COL20A1: variants seen among roughly 807,000 people sequenced by gnomAD.
COL20A1 encodes the protein collagen type XX alpha 1 chain.
A neutral mutation model predicts 152.9 loss-of-function variants in COL20A1; 164 were observed. The observed-to-expected ratio is 1.07, with a 90% CI of 0.94 to 1.22. The LOEUF (loss-of-function observed/expected upper bound fraction) is 1.22, where lower values mean the gene tolerates loss of function less well. Ranked by LOEUF, COL20A1 falls within the 50% of genes most tolerant of loss-of-function variation. The probability of loss-of-function intolerance (pLI) is 0.00; values close to 1 mark genes in which losing one functional copy is unlikely to be tolerated. For missense variants in COL20A1, 1,873 were observed against 1,744.8 expected, an observed-to-expected ratio of 1.07 and a Z score of -1.31; for synonymous variants, 864 against 756.0, an observed-to-expected ratio of 1.14 and a Z score of -2.34.
chr20:63,314,612 A>G (rs539824604), intron 19 of COL20A1, among the ~76,000 whole-genome samples: 96 of 152,158 alleles, frequency 6.3e-4, no homozygotes, highest in African/African-American at 2.1e-3. Context: ...CGGGGTCCTC[A>G]CTGCCTGGAC....
At position 63,320,927 on chromosome 20, in the gene COL20A1, A is replaced by G. The variant is rs1442827401; in HGVS notation, c.3154-86A>G. On this transcript the variant is annotated intron_variant, in intron 25 of 35. Coordinates refer to ENST00000358894, the MANE Select transcript of COL20A1 (RefSeq NM_020882.4). Reference sequence around the variant, plus strand: ...GGGTCTGGAAGTCTCCCTGGAGCCCAGGTGTCATTGGCTAATCTCAGCTCT... The same window carrying G: ...GGGTCTGGAAGTCTCCCTGGAGCCCGGGTGTCATTGGCTAATCTCAGCTCT... 4.9e-6 allele frequency: 5 copies of G among 1,027,808 alleles called. No individual in the cohort carries two copies. The African/African-American group carries it at 8.1e-5, about 17-fold the overall frequency. The allele number at this position is 1,027,808 out of a possible 1,614,324, so 63.7% of individuals were successfully genotyped here. A position where few individuals can be genotyped will look rare whatever the true frequency, so the allele number is the denominator to read the frequency against.
chr20:63,325,969 G>A lies in COL20A1; in HGVS notation c.3403-127G>A, dbSNP rs564997116. On this transcript the variant is annotated intron_variant, in intron 29 of 35. Coordinates refer to ENST00000358894, the MANE Select transcript of COL20A1 (RefSeq NM_020882.4). ...GGAGTGGCTGGGTAGGAGCCTGGCA[G>A]CCTCAGCTGCCTCACCTTTGCTGCT... 4 of 862,556 alleles carry A rather than the reference G, an allele frequency of 4.6e-6. No homozygotes were observed. In the East Asian group the frequency reaches 7.8e-5, roughly 17 times the overall value. 53.4% of individuals were successfully genotyped at this position (862,556 alleles called of 1,614,324 possible).
In COL20A1 at chr20:63,309,381, C is replaced by T. The variant is rs1413168526; in HGVS notation, c.989C>T (p.Pro330Leu). 19 of 1,548,784 alleles carry T rather than the reference C, an allele frequency of 1.2e-5. No homozygotes were observed. Among genetic ancestry groups the T allele is most frequent in the East Asian group, 4.9e-5 (2 of 41,100 alleles). Residue 330 changes from proline to leucine, a missense_variant, in exon 9 of 36, where the codon CCG becomes CTG. Pro to Leu is a moderately conservative substitution (Grantham distance 98, BLOSUM62 -3). Transcript: ENST00000358894. ...GAGCTGAGGCTCCTGGCGTCCCCGC[C>T]GAGGGACATCACCGTCCACAGCGTG... The part of the protein sequence containing the change: ...EAELRLLASP[P>L]RDITVHSVLD...
rs369704216 is a variant in COL20A1, at chr20:63,312,400, C to T, written c.1804-20C>T. 15 of 1,545,802 alleles carry T rather than the reference C, an allele frequency of 9.7e-6. No individual in the cohort carries two copies. The highest frequency in any genetic ancestry group is 9.2e-5 in the East Asian group (4 of 43,470). The stretch of plus-strand genomic sequence containing the variant: ...CAGGCACCAGCTGGGCCTGCCATGT[C>T]GCCCTCCCACCTGCTGCAGACAGAG... On this transcript the variant is annotated intron_variant, in intron 14 of 35. Coordinates refer to ENST00000358894, the MANE Select transcript of COL20A1 (RefSeq NM_020882.4).
chr20:63,302,103 T>C (rs1021575988), intron 3 of COL20A1, among the ~76,000 whole-genome samples: 2 of 152,194 alleles, frequency 1.3e-5, no homozygotes, highest in African/African-American at 4.8e-5. Context: ...CGGCCAATAT[T>C]GTTTTATGTC....
chr20:63,308,715 C>A lies in COL20A1; in HGVS notation c.940+9C>A. The A allele has an allele frequency of 6.3e-7, 1 of 1,580,322 alleles. No homozygotes were observed. The highest frequency in any genetic ancestry group is 8.6e-7 in the Non-Finnish European group (1 of 1,160,992). ...GAACGTCTTCGCTGTGGGTGAGCAC[C>A]ATGCGGCTCCCCCGGCCCTGGAGTC... is the stretch of plus-strand genomic sequence containing the variant. On this transcript the variant is annotated intron_variant, in intron 8 of 35. Transcript: ENST00000358894.
intron 5 of COL20A1, 74 bp from the exon 6 acceptor site, chr20:63,307,416 C>T (rs1056364456): frequency 1.5e-4 from 218 of 1,424,924 alleles, no homozygotes; most frequent in South Asian, 2.9e-4. Context: ...GCTGGAGCCC[C>T]GGGGTAGGTG....
intron 31 of COL20A1, chr20:63,327,145 G>T (rs2068262758): frequency 6.8e-6 from 2 of 295,182 alleles, no homozygotes. Context: ...GGGACTTTCT[G>T]TTGACTGCCC....
At position 63,314,067 on chromosome 20, in the gene COL20A1, C is replaced by A. The variant is rs2068053163; in HGVS notation, c.2359-5C>A. ...GTGGGGACCAGGCACCCTCCCTTCT[C>A]CTAGGTCTCTGTGCCAGGAGCCAGG... On this transcript the variant is annotated splice_polypyrimidine_tract_variant and splice_region_variant and intron_variant, in intron 18 of 35. Transcript: ENST00000358894. 2.5e-6 allele frequency: 4 copies of A among 1,612,676 alleles called. No individual in the cohort carries two copies. Among genetic ancestry groups the A allele is most frequent in the Admixed American group, 3.3e-5 (2 of 59,990 alleles).
At chr20:63,310,533 C>G in intron 11 of COL20A1, 23 bp downstream of exon 11, 1 of 1,564,594 alleles carries the variant, frequency 6.4e-7, no homozygotes, top group Non-Finnish European at 8.7e-7. Context: ...GAGGCAGCGG[C>G]CAGGTTCTGG....
At position 63,309,766 on chromosome 20, in the gene COL20A1, C is replaced by T. The variant is rs2067979634; in HGVS notation, c.1114C>T (p.Pro372Ser). ...GSPRQGPAAA[P>S]ALDTLPAPTS... Reference sequence around the variant, plus strand: ...TCCCGCTACTCCAGCAGCAGCGGCTCCAGCCCTGGACACCCTCCCTGCCCC... The same window carrying T: ...TCCCGCTACTCCAGCAGCAGCGGCTTCAGCCCTGGACACCCTCCCTGCCCC... The change falls in exon 10 of 36, where the codon CCA becomes TCA. Residue 372 changes from proline to serine, a missense_variant. Coordinates refer to ENST00000358894, the MANE Select transcript of COL20A1 (RefSeq NM_020882.4). 1.9e-6 allele frequency: 3 copies of T among 1,582,058 alleles called. No individual in the cohort carries two copies. Among genetic ancestry groups the T allele is most frequent in the Non-Finnish European group, 2.6e-6 (3 of 1,166,340 alleles).
At chr20:63,316,484 T>C in intron 20 of COL20A1, 69 bp from the exon 21 acceptor site, 1 of 1,087,498 alleles carries the variant, frequency 9.2e-7, no homozygotes, top group Non-Finnish European at 1.2e-6. Flanking sequence ...TCCCCGCTCC[T>C]GCCCCTTCCT....
At chr20:63,312,292 G>T (rs2068019238) in intron 14 of COL20A1, 128 bp from the exon 15 acceptor site, 20 of 1,226,010 alleles carry the variant, frequency 1.6e-5, no homozygotes, top group Non-Finnish European at 2.2e-5. Flanking sequence ...CTCAGGACAA[G>T]CCCATTTTCC....
chr20:63,310,585 C>A, intron 11 of COL20A1, 75 bp downstream of exon 11: 5 of 1,443,936 alleles, frequency 3.5e-6, no homozygotes, highest in Non-Finnish European at 4.7e-6. Flanking sequence ...AGCCTGACAC[C>A]CCAGGGCAGC....
chr20:63,329,897 A>G (rs955358923), intron 35 of COL20A1, among the ~76,000 whole-genome samples: 7 of 151,924 alleles, frequency 4.6e-5, no homozygotes, highest in Non-Finnish European at 8.8e-5. Context: ...GGGTCACAGG[A>G]CGTGGGGTTC....
intron 27 of COL20A1, among the ~76,000 whole-genome samples, chr20:63,323,828 C>T (rs890231034): frequency 6.6e-6 from 1 of 152,220 alleles, no homozygotes; most frequent in Non-Finnish European, 1.5e-5. Flanking sequence ...TTTCCTGGCT[C>T]TCTTTGCTTA....
intron 8 of COL20A1, among the ~76,000 whole-genome samples, chr20:63,308,947 G>A (rs765771308): frequency 3.3e-4 from 50 of 151,988 alleles, no homozygotes; most frequent in Non-Finnish European, 6.0e-4. Context: ...CTCCCCCTGT[G>A]GCGTGAACTT....
rs2067916577 is a variant in COL20A1, at chr20:63,305,764, C to G, written c.338-117C>G. 5.8e-6 allele frequency: 7 copies of G among 1,200,486 alleles called. No individual in the cohort carries two copies. The highest frequency in any genetic ancestry group is 2.4e-5 in the East Asian group (1 of 40,958). The allele number at this position is 1,200,486 out of a possible 1,614,324, so 74.4% of individuals were successfully genotyped here. A position where few individuals can be genotyped will look rare whatever the true frequency, so the allele number is the denominator to read the frequency against. ...TGCCCCTGACATCTTTGCATGCCTC[C>G]CAGGCTCCTGGGCCCTCAGCACCCA... is the stretch of plus-strand genomic sequence containing the variant. On this transcript the variant is annotated intron_variant, in intron 4 of 35. Transcript: ENST00000358894. The surrounding 1 kb of genome is among the most constrained non-coding windows in gnomAD (Gnocchi z 4.9).
chr20:63,307,601 C>G lies in COL20A1; in HGVS notation c.608C>G (p.Ala203Gly). The change falls in exon 6 of 36, where the codon GCC becomes GGC. Residue 203 changes from alanine to glycine, a missense_variant. Transcript: ENST00000358894. ...SHFQQVKDFL[A>G]SVIAPFEIGP... ...TTCCAGCAGGTCAAGGACTTCCTGG[C>G]CAGTGTCATCGCACCCTTTGAAATC... is the stretch of plus-strand genomic sequence containing the variant. 1 of 1,612,616 alleles carries G rather than the reference C, an allele frequency of 6.2e-7. No homozygotes were observed. The highest frequency in any genetic ancestry group is 8.5e-7 in the Non-Finnish European group (1 of 1,179,726).
Sources: gnomAD v4.1 joint callset for allele counts (sites outside exome capture counted in the v4.1 genomes callset) on GRCh38, gnomAD v4.1.1 for gene constraint, Gnocchi (gnomAD v3.1) non-coding constraint, MANE v1.5 for transcripts, NCBI Gene and HGNC (gene_info 2026-07-23, HGNC 2026-07-21) for gene names.